PANK2: variants seen among roughly 807,000 people sequenced by gnomAD.
PANK2 encodes the protein pantothenate kinase 2, mitochondrial.
Under a neutral mutation model 43.1 loss-of-function variants are expected in PANK2, and 36 were observed. The observed-to-expected ratio is 0.84, with a 90% CI of 0.64 to 1.10. PANK2 has a LOEUF of 1.10. Among genes scored for constraint, PANK2 ranks in the 50% least tolerant of loss-of-function variants. The pLI is 0.00. For synonymous variants in PANK2, 281 were observed against 238.2 expected (o/e 1.18, Z -1.66); for missense variants, 576 against 593.3 (o/e 0.97, Z 0.30).
At chr20:3,921,161 A>G (rs1305711864) in intron 6 of PANK2, 1 of 151,800 alleles carries the variant, frequency 6.6e-6, no homozygotes, top group Admixed American at 6.6e-5. Flanking sequence ...TTAACTCGTC[A>G]TTTACATTAA....
At chr20:3,908,940 T>TG (rs1429488364) in intron 2 of PANK2, 1 of 153,854 alleles carries the variant, frequency 6.5e-6, no homozygotes, top group Non-Finnish European at 1.4e-5. Flanking sequence ...CCTTTCAGGG[T>TG]GGATGGTGGG....
intron 1 of PANK2, chr20:3,891,137 C>T (rs4813649): frequency 0.43 from 64,836 of 152,016 alleles, 14,510 homozygotes; most frequent in South Asian, 0.53. Flanking sequence ...GTGGCCTTAA[C>T]CTCCTGGGCT....
chr20:3,912,405 T>A lies in PANK2; in HGVS notation c.906-53T>A, dbSNP rs956093732. On this transcript the variant is annotated intron_variant, in intron 3 of 6. Coordinates refer to ENST00000610179, the MANE Select transcript of PANK2 (RefSeq NM_001386393.1). The stretch of plus-strand genomic sequence containing the variant: ...TTGGGGTTCATAAATGTTAACTTCT[T>A]GTTCTTATTTTTAAAAATGTTATAA... 3 of 1,585,330 alleles carry A rather than the reference T, an allele frequency of 1.9e-6. No individual in the cohort carries two copies. The African/African-American group carries it at 4.0e-5, about 21-fold the overall frequency.
rs1208013265 is a variant in PANK2, at chr20:3,916,968, G to C, written c.1124G>C (p.Ser375Thr). The change falls in exon 5 of 7, where the codon AGT becomes ACT. Residue 375 changes from serine (S) to threonine (T), a missense_variant. Ser to Thr is a moderately conservative substitution (Grantham distance 58). Transcript: ENST00000610179. ...AGCAAGGAGAAGCGAGAGGCTGTCA[G>C]TAAAGAGGACCTGGCCAGAGCGACT... The C allele has an allele frequency of 6.2e-7, 1 of 1,614,008 alleles. No homozygotes were observed. Among genetic ancestry groups the C allele is most frequent in the Non-Finnish European group, 8.5e-7 (1 of 1,180,018 alleles).
rs550632222 is a variant in PANK2, at chr20:3,889,590, C to T, written c.160C>T (p.Arg54Trp). The T allele has an allele frequency of 4.0e-6, 6 of 1,498,882 alleles. No homozygotes were observed. Among genetic ancestry groups the T allele is most frequent in the Admixed American group, 4.3e-5 (2 of 46,578 alleles). The allele number at this position is 1,498,882 out of a possible 1,614,324, so 92.8% of individuals were successfully genotyped here. The change falls in exon 1 of 7, where the codon CGG becomes TGG. Residue 54 changes from arginine to tryptophan, a missense_variant. Around this residue, in one of 2 missense-constraint regions of PANK2, gnomAD observed 544 missense variants for 528.9 expected, o/e 1.03. Transcript: ENST00000610179. ...CGAAGGGCGGCGGCAGGAGCCACTG[C>T]GGCGCCGGGCGAGCAGCGCGTCGGT...
chr20:3,889,061 G>T (rs565594744), upstream of PANK2: 538 of 1,478,860 alleles, frequency 3.6e-4, 2 homozygotes, highest in African/African-American at 4.6e-3. Flanking sequence ...GCCCGGGGGG[G>T]CAGAGGCATG....
chr20:3,892,167 A>AC (rs2090132867), intron 1 of PANK2, among the ~76,000 whole-genome samples: 1 of 151,582 alleles, frequency 6.6e-6, no homozygotes, highest in Non-Finnish European at 1.5e-5. Flanking sequence ...GCATGTTGAA[A>AC]CCCCGTCTCT....
rs1208869148 is a variant in PANK2 at position 3,928,291 on chromosome 20, G to A, written c.*4997G>A. On this transcript the variant is annotated 3_prime_UTR_variant, in exon 7 of 7. Transcript: ENST00000610179. ...GGGCACCAGTTGCAATTTTAATCCA[G>A]GGGAGGATCTGGGCTGCTGCTGTAG... 4 of 152,240 alleles carry A rather than the reference G, an allele frequency of 2.6e-5. No homozygotes were observed. Among genetic ancestry groups the A allele is most frequent in the African/African-American group, 4.8e-5 (2 of 41,456 alleles). The allele number at this position is 152,240 out of a possible 1,614,324, so 9.4% of individuals were successfully genotyped here.
chr20:3,923,416 G>A lies in PANK2; in HGVS notation c.*122G>A. 2 of 1,055,958 alleles carry A rather than the reference G, an allele frequency of 1.9e-6. No individual in the cohort carries two copies. The highest frequency in any genetic ancestry group is 4.8e-5 in the East Asian group (2 of 41,734). 65.4% of individuals were successfully genotyped at this position (1,055,958 alleles called of 1,614,324 possible). A position where few individuals can be genotyped will look rare whatever the true frequency, so the allele number is the denominator to read the frequency against. ...TGAAACAAAGTGAGAAAGGACAGGTGTATTTTTCTAAGTCATCAAGATAAA... is the reference window on the plus strand; with the variant it reads ...TGAAACAAAGTGAGAAAGGACAGGTATATTTTTCTAAGTCATCAAGATAAA... On this transcript the variant is annotated 3_prime_UTR_variant, in exon 7 of 7. Coordinates refer to ENST00000610179, the MANE Select transcript of PANK2 (RefSeq NM_001386393.1).
At chr20:3,898,882 G>T (rs1046212540) in intron 1 of PANK2, among the ~76,000 whole-genome samples, 22 of 150,840 alleles carry the variant, frequency 1.5e-4, no homozygotes, top group African/African-American at 4.1e-4. Flanking sequence ...GTTTTTTTTT[G>T]TTTGTTTGTT....
chr20:3,909,303 C>T (rs6139232), intron 2 of PANK2, among the ~76,000 whole-genome samples: 78,537 of 151,740 alleles, frequency 0.52, 20,729 homozygotes, highest in East Asian at 0.66. Flanking sequence ...TGGTCTCGAA[C>T]TCCTGATCTC....
At chr20:3,910,466 C>A (rs71647840) in intron 2 of PANK2, 111 bp from the exon 3 acceptor site, 2 of 1,200,408 alleles carry the variant, frequency 1.7e-6, no homozygotes, top group Admixed American at 3.4e-5. Flanking sequence ...TAATACACAT[C>A]TGTGAGTGCA....
rs960055270 is a variant in PANK2 at position 3,924,032 on chromosome 20, C to G, written c.*738C>G. 1 of 152,514 alleles carries G rather than the reference C, an allele frequency of 6.6e-6. No homozygotes were observed. The highest frequency in any genetic ancestry group is 6.5e-5 in the Admixed American group (1 of 15,290). The allele number at this position is 152,514 out of a possible 1,614,324, so 9.4% of individuals were successfully genotyped here. A position where few individuals can be genotyped will look rare whatever the true frequency, so the allele number is the denominator to read the frequency against. ...GTCAGCAGGGCCACTAGAATTGACA[C>G]CCCCTCAGGGGATCAGGGAGAATCT... On this transcript the variant is annotated 3_prime_UTR_variant, in exon 7 of 7. Coordinates refer to ENST00000610179, the MANE Select transcript of PANK2 (RefSeq NM_001386393.1).
chr20:3,899,931 C>T (rs992566665), intron 1 of PANK2, among the ~76,000 whole-genome samples: 8 of 151,780 alleles, frequency 5.3e-5, no homozygotes, highest in African/African-American at 1.7e-4. Context: ...GTCTCGATCT[C>T]CTGACCTCGT....
rs141686878 is a variant in PANK2 at position 3,907,670 on chromosome 20, G to C, written c.299-256G>C. Reference sequence around the variant, plus strand: ...TTATTTTTAAAACACTTCATAGTGCGGTTTGCGCTTGTCTGACAGAATGGT... The same window carrying C: ...TTATTTTTAAAACACTTCATAGTGCCGTTTGCGCTTGTCTGACAGAATGGT... On this transcript the variant is annotated intron_variant, in intron 1 of 6. Transcript: ENST00000610179. 4.6e-5 allele frequency among the ~76,000 whole-genome samples: 7 copies of C among 152,056 alleles called. No individual in the cohort carries two copies. The East Asian group carries it at 1.3e-3, about 29-fold the overall frequency.
intron 4 of PANK2, 25 bp downstream of exon 4, chr20:3,912,659 A>T (rs751576410): frequency 1.2e-6 from 2 of 1,612,492 alleles, no homozygotes; most frequent in Non-Finnish European, 1.7e-6. Context: ...GTGTTCTAAG[A>T]AATACAGGCG....
intron 6 of PANK2, among the ~76,000 whole-genome samples, chr20:3,919,737 A>C (rs1249717561): frequency 1.3e-5 from 2 of 152,152 alleles, no homozygotes; most frequent in Non-Finnish European, 2.9e-5. Context: ...CTATTCTTTC[A>C]ACTGTTCTTG....
intron 4 of PANK2, among the ~76,000 whole-genome samples, chr20:3,915,372 C>A (rs1025857939): frequency 6.6e-6 from 1 of 151,980 alleles, no homozygotes; most frequent in Non-Finnish European, 1.5e-5. Context: ...GATCTCGGCT[C>A]ACTGCAACCT....
At chr20:3,908,563 G>A (rs1454323599) in intron 2 of PANK2, 1 of 418,436 alleles carries the variant, frequency 2.4e-6, no homozygotes, top group Non-Finnish European at 4.4e-6. Flanking sequence ...TACCTAAAAG[G>A]AACATCATTA....
Sources: allele counts gnomAD v4.1 joint callset (sites outside exome capture counted in the v4.1 genomes callset), GRCh38; gene constraint gnomAD v4.1.1; regional missense constraint gnomAD v4.1.1; transcripts MANE v1.5; gene names NCBI Gene and HGNC (gene_info 2026-07-23, HGNC 2026-07-21).